The following APP variants were observed in gnomAD, a reference collection of about 807,000 sequenced individuals.
APP encodes the protein amyloid beta precursor protein.
In APP, 31 loss-of-function variants were observed where a neutral mutation model predicts 101.4. The ratio of observed to expected loss-of-function variants is 0.31; its 90% CI spans 0.23 to 0.41. APP has a LOEUF of 0.41. Ranked by LOEUF, APP falls within the 10% of genes least tolerant of loss-of-function variation. APP has a pLI of 1.00. For synonymous variants in APP, 366 were observed against 364.4 expected, an observed-to-expected ratio of 1.00 and a Z score of -0.05; for missense variants, 839 against 1,003.7, an observed-to-expected ratio of 0.84 and a Z score of 2.22.
intron 6 of APP, among the ~76,000 whole-genome samples, 190 bp from the exon 7 acceptor site, chr21:26,000,372 T>C (rs138352816): frequency 2.6e-5 from 4 of 152,332 alleles, no homozygotes; most frequent in Non-Finnish European, 1.5e-5. Context: ...TCTCAGAGCA[T>C]GCACTGTCAT....
At position 26,011,486 on chromosome 21, in the gene APP, T is replaced by C. The variant is rs186712654; in HGVS notation, c.865+10354A>G. 2.4e-4 allele frequency among the ~76,000 whole-genome samples: 36 copies of C among 152,232 alleles called. No individual in the cohort carries two copies. The East Asian group carries it at 6.9e-3, about 29-fold the overall frequency. On this transcript the variant is annotated intron_variant, in intron 6 of 17. Coordinates refer to ENST00000346798, the MANE Select transcript of APP (RefSeq NM_000484.4). Reference sequence around the variant, plus strand: ...TACTCCTCCCAGGGGACATTTTTGATTGTCATCACTTGGGGGTGCTGCTGG... The same window carrying C: ...TACTCCTCCCAGGGGACATTTTTGACTGTCATCACTTGGGGGTGCTGCTGG...
intron 17 of APP, among the ~76,000 whole-genome samples, chr21:25,887,340 A>G (rs1217809125): frequency 6.6e-6 from 1 of 152,128 alleles, no homozygotes; most frequent in African/African-American, 2.4e-5. Context: ...CCAGAGGGCT[A>G]TTCTGACATG....
intron 5 of APP, among the ~76,000 whole-genome samples, chr21:26,033,006 A>C (rs1465479067): frequency 6.6e-6 from 1 of 152,166 alleles, no homozygotes; most frequent in Admixed American, 6.5e-5. Context: ...AGACTGAAGA[A>C]TAATCTGTTG....
At chr21:26,035,610 C>G (rs2045069546) in intron 5 of APP, among the ~76,000 whole-genome samples, 1 of 152,176 alleles carries the variant, frequency 6.6e-6, no homozygotes, top group South Asian at 2.1e-4. Context: ...TCTCTGTGCA[C>G]TTGGTTTTTA....
At chr21:26,169,873 G>A (rs951675368) in intron 1 of APP, among the ~76,000 whole-genome samples, 1 of 152,204 alleles carries the variant, frequency 6.6e-6, no homozygotes, top group Non-Finnish European at 1.5e-5. Context: ...CCCATTTCTC[G>A]CAAGTTACAC....
chr21:25,944,041 C>G lies in APP; in HGVS notation c.1687+10549G>C, dbSNP rs564964504. Among the ~76,000 whole-genome samples the G allele has an allele frequency of 9.2e-5, 14 of 152,090 alleles. No individual in the cohort carries two copies. In the East Asian group the frequency reaches 1.4e-3, roughly 15 times the overall value. ...GGGCAGACAAATTTCAATGCCCCCCCCCAACCAAAAGCAAAGACACAAAAG... is the reference window on the plus strand; with the variant it reads ...GGGCAGACAAATTTCAATGCCCCCCGCCAACCAAAAGCAAAGACACAAAAG... On this transcript the variant is annotated intron_variant, in intron 13 of 17. Coordinates refer to ENST00000346798, the MANE Select transcript of APP (RefSeq NM_000484.4).
chr21:25,938,975 T>A (rs1459366895), intron 13 of APP, among the ~76,000 whole-genome samples: 1 of 152,178 alleles, frequency 6.6e-6, no homozygotes, highest in Non-Finnish European at 1.5e-5. Context: ...TGCTCTAATA[T>A]ACCTATTTTT....
chr21:26,117,316 T>C (rs915147024), intron 1 of APP, among the ~76,000 whole-genome samples: 1 of 152,262 alleles, frequency 6.6e-6, no homozygotes, highest in African/African-American at 2.4e-5. Flanking sequence ...AAATTCTCCA[T>C]TGTCAAATGT....
Position 26,107,507 on chromosome 21 carries a change from C to T in APP, c.225+4472G>A, listed in dbSNP as rs555980371. On this transcript the variant is annotated intron_variant, in intron 2 of 17. Coordinates refer to ENST00000346798, the MANE Select transcript of APP (RefSeq NM_000484.4). ...TCATGCTTGCACTCTTATCTTTCCC[C>T]TCATTTAGAAATTTACATGGCTTGC... 3.6e-4 allele frequency among the ~76,000 whole-genome samples: 55 copies of T among 152,314 alleles called. No homozygotes were observed. In the South Asian group the frequency reaches 0.011, roughly 30 times the overall value.
At chr21:25,937,760 A>T (rs1032366194) in intron 13 of APP, 2 of 152,106 alleles carry the variant, frequency 1.3e-5, no homozygotes, top group African/African-American at 4.8e-5. Flanking sequence ...TCTTATGCTT[A>T]TACAGTTTTT....
chr21:26,151,136 CT>C (rs1206390078), intron 1 of APP, among the ~76,000 whole-genome samples: 1 of 152,168 alleles, frequency 6.6e-6, no homozygotes, highest in Non-Finnish European at 1.5e-5. Flanking sequence ...ATTCTTATAT[CT>C]TTGGAAACTT....
At chr21:26,169,374 T>G (rs2063688849) in intron 1 of APP, 1 of 152,594 alleles carries the variant, frequency 6.6e-6, no homozygotes, top group African/African-American at 2.4e-5. Context: ...CAGCATCCTG[T>G]GCCCCCAGGG....
At chr21:26,134,033 A>G (rs2062847137) in intron 1 of APP, among the ~76,000 whole-genome samples, 1 of 152,196 alleles carries the variant, frequency 6.6e-6, no homozygotes, top group Admixed American at 6.5e-5. Context: ...GGAGTTTCCA[A>G]ACATGTTAAA....
chr21:25,988,329 G>C (rs1469939357), intron 8 of APP, among the ~76,000 whole-genome samples: 1 of 152,172 alleles, frequency 6.6e-6, no homozygotes, highest in African/African-American at 2.4e-5. Context: ...CTGTTTGAGG[G>C]GGAGTATATG....
intron 13 of APP, among the ~76,000 whole-genome samples, chr21:25,931,404 T>A (rs1039120375): frequency 5.3e-5 from 8 of 152,124 alleles, no homozygotes; most frequent in African/African-American, 1.9e-4. Context: ...GTTTGTGGGA[T>A]ACAGAGGGCA....
In APP at chr21:26,051,005, A is replaced by G. The variant is rs1266813363; in HGVS notation, c.657T>C (p.Asp219=). ...GAACACAAAGGCCACCTTACCTCCC[A>G]TCTGCATAGTCTGTGTCTGCTCCGC... ...WWGGADTDYA[D]GSEDKVVEVA... The change falls in exon 5 of 18, where the codon GAT becomes GAC. Residue 219 remains aspartate, a synonymous_variant. Coordinates refer to ENST00000346798, the MANE Select transcript of APP (RefSeq NM_000484.4). 2 of 1,614,152 alleles carry G rather than the reference A, an allele frequency of 1.2e-6. No individual in the cohort carries two copies. The highest frequency in any genetic ancestry group is 3.3e-5 in the Admixed American group (2 of 60,010).
intron 5 of APP, among the ~76,000 whole-genome samples, chr21:26,026,885 T>G (rs1407265727): frequency 6.6e-6 from 1 of 152,184 alleles, no homozygotes; most frequent in Non-Finnish European, 1.5e-5. Context: ...GTTCACTGAT[T>G]GTAACAAATC....
At position 25,962,367 on chromosome 21, in the gene APP, G is replaced by T. The variant is rs564284334; in HGVS notation, c.1459-6612C>A. On this transcript the variant is annotated intron_variant, in intron 11 of 17. Transcript: ENST00000346798. ...CATTTTCCTCTCTGGAAACAAGAGC[G>T]TAATGTATTTCTACCTCTAGGCACA... Among the ~76,000 whole-genome samples the T allele has an allele frequency of 1.6e-4, 25 of 152,222 alleles. 1 individual carries two copies. In the South Asian group the frequency reaches 4.6e-3, roughly 28 times the overall value.
intron 7 of APP, 58 bp downstream of exon 7, chr21:25,999,957 G>A (rs1601163127): frequency 3.2e-6 from 5 of 1,575,888 alleles, no homozygotes; most frequent in Non-Finnish European, 4.3e-6. Context: ...GTTACAAAAA[G>A]CAGAGTCAGT....
Sources: allele counts gnomAD v4.1 joint callset (sites outside exome capture counted in the v4.1 genomes callset), GRCh38; gene constraint gnomAD v4.1.1; transcripts MANE v1.5; gene names NCBI Gene and HGNC (gene_info 2026-07-23, HGNC 2026-07-21).